Variants in TNNI3K observed in about 807,000 individuals in gnomAD.
The protein encoded by TNNI3K is serine/threonine-protein kinase TNNI3K.
A neutral mutation model predicts 114.5 loss-of-function variants in TNNI3K; 140 were observed. The observed-to-expected ratio is 1.22, with a 90% CI of 1.07 to 1.41. The LOEUF (loss-of-function observed/expected upper bound fraction) is 1.41. TNNI3K is among the 40% of genes most tolerant of loss of function. TNNI3K has a pLI of 0.00. For synonymous variants in TNNI3K, 347 were observed against 347.5 expected (o/e 1.00, Z 0.02); for missense variants, 1,125 against 1,007.6 (o/e 1.12, Z -1.58).
chr1:74,286,785 GTGTCTACTTCAAA>G (rs1657358873), intron 5 of TNNI3K, among the ~76,000 whole-genome samples: 2 of 152,118 alleles, frequency 1.3e-5, no homozygotes, highest in Non-Finnish European at 2.9e-5. Flanking sequence ...ACTGGAAGAA[GTGTCTACTTCAAA>G]TGCACAGATA....
chr1:74,451,318 T>C (rs935102710), intron 20 of TNNI3K, among the ~76,000 whole-genome samples: 2 of 152,086 alleles, frequency 1.3e-5, no homozygotes, highest in Admixed American at 6.6e-5. Flanking sequence ...AGGTGACAGG[T>C]TGATAGGTGC....
chr1:74,543,791 C>A, intron 24 of TNNI3K, 115 bp from the exon 25 acceptor site: 1 of 1,168,848 alleles, frequency 8.6e-7, no homozygotes, highest in Non-Finnish European at 1.3e-6. Context: ...CAACCGTTGT[C>A]CAGATTGTCT....
intron 11 of TNNI3K, among the ~76,000 whole-genome samples, chr1:74,360,671 TC>T (rs1661914546): frequency 6.6e-6 from 1 of 152,060 alleles, no homozygotes; most frequent in South Asian, 2.1e-4. Context: ...GTCACCCCAT[TC>T]TTTAAATTTC....
intron 5 of TNNI3K, among the ~76,000 whole-genome samples, chr1:74,328,593 A>G (rs1333120688): frequency 1.3e-5 from 2 of 152,172 alleles, no homozygotes; most frequent in African/African-American, 2.4e-5. Flanking sequence ...AGTAAAGCCT[A>G]CAATTCAAAA....
Position 74,544,131 on chromosome 1 carries a change from A to G in TNNI3K, c.*149A>G, listed in dbSNP as rs1256245726. On this transcript the variant is annotated 3_prime_UTR_variant, in exon 25 of 25. Coordinates refer to ENST00000326637, the MANE Select transcript of TNNI3K (RefSeq NM_015978.3). Reference sequence around the variant, plus strand: ...TTTTACTTGTCCTATTTAATTCCCCACTATTAGCAGGCTTTGGATTTGTGC... The same window carrying G: ...TTTTACTTGTCCTATTTAATTCCCCGCTATTAGCAGGCTTTGGATTTGTGC... 2.7e-6 allele frequency: 2 copies of G among 732,572 alleles called. No homozygotes were observed. Among genetic ancestry groups the G allele is most frequent in the Non-Finnish European group, 4.2e-6 (2 of 473,324 alleles). The allele number at this position is 732,572 out of a possible 1,614,324, so 45.4% of individuals were successfully genotyped here. A position where few individuals can be genotyped will look rare whatever the true frequency, so the allele number is the denominator to read the frequency against.
At chr1:74,525,771 G>T (rs954515940) in intron 23 of TNNI3K, among the ~76,000 whole-genome samples, 24 of 152,134 alleles carry the variant, frequency 1.6e-4, no homozygotes, top group African/African-American at 5.8e-4. Flanking sequence ...TGTCAATACA[G>T]AAGCCGGGAG....
rs758318921 is a variant in TNNI3K, at chr1:74,451,611, T to TTTCC, written c.2012-11815_2012-11812dup. On this transcript the variant is annotated intron_variant, in intron 20 of 24. Transcript: ENST00000326637. ...TTCCTTCCTTCCTTTCTTTTCTTTC[T>TTTCC]TTCCTTCCTTCCTTCCTTTTCTTTT... Among the ~76,000 whole-genome samples, 6 of 149,720 alleles carry TTTCC rather than the reference T, an allele frequency of 4.0e-5. No homozygotes were observed. The East Asian group carries it at 5.8e-4, about 14-fold the overall frequency.
At chr1:74,507,199 G>C (rs1227009621) in intron 23 of TNNI3K, among the ~76,000 whole-genome samples, 3 of 149,358 alleles carry the variant, frequency 2.0e-5, no homozygotes, top group Non-Finnish European at 3.0e-5. Context: ...TATCACACAT[G>C]ATGAGCAGTT....
chr1:74,393,028 A>G (rs1663872742), intron 17 of TNNI3K, among the ~76,000 whole-genome samples: 1 of 152,208 alleles, frequency 6.6e-6, no homozygotes, highest in Non-Finnish European at 1.5e-5. Flanking sequence ...AACATGTGGT[A>G]CTCATAGAGG....
chr1:74,489,333 A>G (rs1212917718), intron 22 of TNNI3K, 85 bp downstream of exon 22: 1 of 1,413,030 alleles, frequency 7.1e-7, no homozygotes, highest in Non-Finnish European at 9.7e-7. Flanking sequence ...GCTGGTGCTT[A>G]TGAAAAGTTA....
intron 23 of TNNI3K, among the ~76,000 whole-genome samples, chr1:74,503,165 A>G (rs1030913659): frequency 1.3e-5 from 2 of 152,204 alleles, no homozygotes; most frequent in African/African-American, 2.4e-5. Context: ...GTGGGCAACA[A>G]TTGACTTTCT....
At chr1:74,324,322 C>T (rs897376994) in intron 5 of TNNI3K, among the ~76,000 whole-genome samples, 32 of 152,162 alleles carry the variant, frequency 2.1e-4, no homozygotes, top group African/African-American at 7.2e-4. Context: ...ATATGTCAGT[C>T]AGGTGAGATA....
rs974730924 is a variant in TNNI3K, at chr1:74,289,367, G to A, written c.444+17659G>A. Among the ~76,000 whole-genome samples, 5 of 151,884 alleles carry A rather than the reference G, an allele frequency of 3.3e-5. No homozygotes were observed. The East Asian group carries it at 7.7e-4, about 23-fold the overall frequency. ...TTAATATATCTTTTGACCATTTAAA[G>A]TATAAAAAAAGAATTTGGACTTAAT... On this transcript the variant is annotated intron_variant, in intron 5 of 24. Transcript: ENST00000326637.
intron 17 of TNNI3K, among the ~76,000 whole-genome samples, chr1:74,386,706 C>A (rs984500110): frequency 9.2e-5 from 14 of 152,206 alleles, no homozygotes; most frequent in African/African-American, 3.1e-4. Flanking sequence ...GTACTCTGAT[C>A]CAAGGTCAGC....
At chr1:74,349,558 C>A (rs1244591453) in intron 9 of TNNI3K, among the ~76,000 whole-genome samples, 1 of 152,126 alleles carries the variant, frequency 6.6e-6, no homozygotes, top group African/African-American at 2.4e-5. Flanking sequence ...ACCAGCTCCT[C>A]CTTGTACCTC....
At chr1:74,419,823 T>C (rs1420108401) in intron 17 of TNNI3K, among the ~76,000 whole-genome samples, 1 of 152,162 alleles carries the variant, frequency 6.6e-6, no homozygotes. Context: ...AAATATGCTT[T>C]CATTTATGCA....
intron 5 of TNNI3K, among the ~76,000 whole-genome samples, chr1:74,280,187 C>T (rs1656922250): frequency 6.6e-6 from 1 of 152,090 alleles, no homozygotes; most frequent in East Asian, 1.9e-4. Context: ...TCAAGACCAT[C>T]CTGGCTAACA....
intron 5 of TNNI3K, among the ~76,000 whole-genome samples, chr1:74,296,947 T>C (rs1658026164): frequency 6.6e-6 from 1 of 152,186 alleles, no homozygotes; most frequent in Admixed American, 6.5e-5. Context: ...ATTAATTGAA[T>C]ATGTGGCTTC....
rs115047353 is a variant in TNNI3K, at chr1:74,393,400, G to A, written c.1772+23008G>A. Among the ~76,000 whole-genome samples, 902 of 152,254 alleles carry A rather than the reference G, an allele frequency of 5.9e-3. 9 individuals are homozygous for A. Among genetic ancestry groups the A allele is most frequent in the African/African-American group, 0.021 (853 of 41,542 alleles). Reference sequence around the variant, plus strand: ...AGAAAGAAAAATTTATATGGGCCTGGAACATCTATCAAAAGAACGTGAGCT... The same window carrying A: ...AGAAAGAAAAATTTATATGGGCCTGAAACATCTATCAAAAGAACGTGAGCT... On this transcript the variant is annotated intron_variant, in intron 17 of 24. Transcript: ENST00000326637.
Sources: gnomAD v4.1 joint callset for allele counts (sites outside exome capture counted in the v4.1 genomes callset) on GRCh38, gnomAD v4.1.1 for gene constraint, MANE v1.5 for transcripts, NCBI Gene and HGNC (gene_info 2026-07-23, HGNC 2026-07-21) for gene names.